DOCK1: variants seen among roughly 807,000 people sequenced by gnomAD.
The protein encoded by DOCK1 is dedicator of cytokinesis protein 1.
DOCK1 carries 138 observed loss-of-function variants against 262.7 expected under a neutral mutation model. The observed-to-expected ratio is 0.53, with a 90% confidence interval of 0.46 to 0.61. The LOEUF (loss-of-function observed/expected upper bound fraction) is 0.61. Ranked by LOEUF, DOCK1 falls within the 20% of genes least tolerant of loss-of-function variation. The probability of loss-of-function intolerance (pLI) is 0.00; values close to 1 mark genes in which losing one functional copy is unlikely to be tolerated. For synonymous variants in DOCK1, 866 were observed against 867.4 expected (o/e 1.00, Z 0.03); for missense variants, 1,908 against 2,370.7 (o/e 0.80, Z 4.05).
intron 29 of DOCK1, among the ~76,000 whole-genome samples, chr10:127,297,030 G>T (rs1001799361): frequency 1.4e-4 from 21 of 152,280 alleles, no homozygotes; most frequent in African/African-American, 4.8e-4. Flanking sequence ...AGCACAGAGC[G>T]TGGGGCAGCT....
At chr10:127,269,319 G>A (rs551592851) in intron 29 of DOCK1, among the ~76,000 whole-genome samples, 129 of 152,226 alleles carry the variant, frequency 8.5e-4, no homozygotes, top group Middle Eastern at 3.4e-3. Flanking sequence ...CTGAATCTGA[G>A]AATTGAGCCC....
chr10:127,232,998 G>A (rs1239677491), intron 27 of DOCK1, among the ~76,000 whole-genome samples: 1 of 152,194 alleles, frequency 6.6e-6, no homozygotes, highest in African/African-American at 2.4e-5. Flanking sequence ...TTCACCATGT[G>A]ACTGGTGATT....
chr10:127,260,817 G>A (rs935858004), intron 29 of DOCK1, among the ~76,000 whole-genome samples: 1 of 138,396 alleles, frequency 7.2e-6, no homozygotes, highest in Admixed American at 7.3e-5. Flanking sequence ...GTGTGTCCCT[G>A]CATGTGTGTG....
chr10:126,948,696 C>T lies in DOCK1; in HGVS notation c.47-22006C>T, dbSNP rs988115157. Reference sequence around the variant, plus strand: ...CTGCTTCCCAGGAATCCTCACCTCTCGGAGCCTGTGATGCGGGCGCCCAGC... The same window carrying T: ...CTGCTTCCCAGGAATCCTCACCTCTTGGAGCCTGTGATGCGGGCGCCCAGC... On this transcript the variant is annotated intron_variant, in intron 1 of 51. Transcript: ENST00000623213. Among the ~76,000 whole-genome samples, 869 of 152,038 alleles carry T rather than the reference C, an allele frequency of 5.7e-3. 13 individuals are homozygous for T. Among genetic ancestry groups the T allele is most frequent in the Admixed American group, 0.013 (192 of 15,248 alleles).
At chr10:127,172,132 G>A (rs910336286) in intron 27 of DOCK1, among the ~76,000 whole-genome samples, 2 of 152,118 alleles carry the variant, frequency 1.3e-5, no homozygotes, top group Admixed American at 6.6e-5. Flanking sequence ...ACCATGAGAT[G>A]CAACTAAAAT....
intron 1 of DOCK1, among the ~76,000 whole-genome samples, chr10:126,926,668 A>G (rs796835013): frequency 6.6e-6 from 1 of 152,186 alleles, no homozygotes; most frequent in African/African-American, 2.4e-5. Flanking sequence ...GTTTAATCCA[A>G]TATGCCTGGT....
At chr10:127,432,752 G>C (rs548893734) in intron 47 of DOCK1, among the ~76,000 whole-genome samples, 1 of 152,120 alleles carries the variant, frequency 6.6e-6, no homozygotes, top group Non-Finnish European at 1.5e-5. Context: ...CTTCAGCAGC[G>C]GTTTCACCTA....
At chr10:127,214,040 G>A (rs925449144) in intron 27 of DOCK1, among the ~76,000 whole-genome samples, 30 of 152,110 alleles carry the variant, frequency 2.0e-4, no homozygotes, top group Admixed American at 1.1e-3. Context: ...GCAGAGACAA[G>A]GTTTCACTAT....
chr10:127,446,008 T>G lies in DOCK1; in HGVS notation c.5414-1386T>G, dbSNP rs755920865. 1.3e-5 allele frequency among the ~76,000 whole-genome samples: 2 copies of G among 152,210 alleles called. No homozygotes were observed. The highest frequency in any genetic ancestry group is 2.9e-5 in the Non-Finnish European group (2 of 68,034). ...GCTCACGCCTGTCATCCCAGCACTT[T>G]GGGAGTTCGAGGTGGGTGGATCAGC... On this transcript the variant is annotated intron_variant, in intron 50 of 51. Transcript: ENST00000623213. The surrounding 1 kb of genome is among the most constrained non-coding windows in gnomAD (Gnocchi z 4.4).
intron 50 of DOCK1, among the ~76,000 whole-genome samples, chr10:127,445,532 G>A (rs2070481538): frequency 2.0e-5 from 3 of 152,184 alleles, no homozygotes; most frequent in Admixed American, 2.0e-4. Flanking sequence ...TTCTAAAAAT[G>A]TGTTTAAAAT....
At chr10:126,955,326 A>G (rs938452771) in intron 1 of DOCK1, among the ~76,000 whole-genome samples, 1 of 152,162 alleles carries the variant, frequency 6.6e-6, no homozygotes, top group Non-Finnish European at 1.5e-5. Context: ...GGGTTTCACT[A>G]TGTTGGCCAG....
chr10:127,215,693 T>C (rs1292134797), intron 27 of DOCK1, among the ~76,000 whole-genome samples: 2 of 152,096 alleles, frequency 1.3e-5, no homozygotes, highest in Non-Finnish European at 2.9e-5. Flanking sequence ...CAAGGTTGAT[T>C]TCAAGATATA....
intron 1 of DOCK1, among the ~76,000 whole-genome samples, chr10:126,943,493 G>A (rs1413062915): frequency 6.6e-6 from 1 of 152,174 alleles, no homozygotes; most frequent in Non-Finnish European, 1.5e-5. Context: ...AAACGAGTAA[G>A]TGTATGTAAG....
intron 51 of DOCK1, 39 bp downstream of exon 51, chr10:127,447,584 G>A (rs746380556): frequency 1.4e-5 from 22 of 1,607,518 alleles, no homozygotes; most frequent in East Asian, 4.5e-5. Context: ...TCATTGCTTC[G>A]CCTCCACAAA....
intron 1 of DOCK1, among the ~76,000 whole-genome samples, chr10:126,969,409 ATTCCTTG>A (rs1307442206): frequency 6.6e-6 from 1 of 152,188 alleles, no homozygotes. Context: ...TATGGAGGCC[ATTCCTTG>A]TACGGCTAAG....
At chr10:127,298,701 C>A (rs774819319) in intron 29 of DOCK1, among the ~76,000 whole-genome samples, 1 of 152,122 alleles carries the variant, frequency 6.6e-6, no homozygotes, top group Non-Finnish European at 1.5e-5. Flanking sequence ...CAGTTGATTT[C>A]GCAGGAAACA....
Position 127,061,170 on chromosome 10 carries a change from G to T in DOCK1, c.2337-498G>T, listed in dbSNP as rs369997806. Among the ~76,000 whole-genome samples the T allele has an allele frequency of 2.6e-5, 4 of 152,210 alleles. No individual in the cohort carries two copies. In the South Asian group the frequency reaches 8.3e-4, roughly 32 times the overall value. On this transcript the variant is annotated intron_variant, in intron 22 of 51. Transcript: ENST00000623213. ...TTGAACCCAGGAAGCGGTGGTTGCA[G>T]TGAGCCGAGATCATGCCATTGCACT...
intron 25 of DOCK1, among the ~76,000 whole-genome samples, chr10:127,115,085 C>T (rs1232825839): frequency 1.3e-5 from 2 of 152,074 alleles, no homozygotes; most frequent in Non-Finnish European, 2.9e-5. Context: ...TATGCCCGTC[C>T]CCCAGATATT....
chr10:127,093,394 C>T lies in DOCK1; in HGVS notation c.2446-12837C>T, dbSNP rs190511874. Among the ~76,000 whole-genome samples, 91 of 151,458 alleles carry T rather than the reference C, an allele frequency of 6.0e-4. 2 individuals are homozygous for T. The East Asian group carries it at 0.017, about 28-fold the overall frequency. On this transcript the variant is annotated intron_variant, in intron 23 of 51. Coordinates refer to ENST00000623213, the MANE Select transcript of DOCK1 (RefSeq NM_001290223.2). Reference sequence around the variant, plus strand: ...CCGAGTAGCTGGGACCACAGGCATCCAGGCTGGAGTGCAGTGGCATGATCT... The same window carrying T: ...CCGAGTAGCTGGGACCACAGGCATCTAGGCTGGAGTGCAGTGGCATGATCT...
Sources: allele counts gnomAD v4.1 joint callset (sites outside exome capture counted in the v4.1 genomes callset), GRCh38; gene constraint gnomAD v4.1.1; non-coding constraint Gnocchi (gnomAD v3.1); transcripts MANE v1.5; gene names NCBI Gene and HGNC (gene_info 2026-07-23, HGNC 2026-07-21).